Variants in PLB1 observed in about 807,000 individuals in gnomAD.
The protein encoded by PLB1 is phospholipase B1, membrane-associated.
A neutral mutation model predicts 227.4 loss-of-function variants in PLB1; 242 were observed. The observed-to-expected ratio is 1.06, with a 90% CI of 0.96 to 1.18. PLB1 has a LOEUF of 1.18. Among genes scored for constraint, PLB1 ranks in the 50% most tolerant of loss-of-function variants. The pLI, the probability that PLB1 is intolerant of heterozygous loss-of-function variation, is 0.00. For synonymous variants in PLB1, 757 were observed against 682.2 expected (o/e 1.11, Z -1.71); for missense variants, 1,858 against 1,816.3 (o/e 1.02, Z -0.42).
At chr2:28,585,269 ATTTTTC>A (rs1680711324) in intron 25 of PLB1, among the ~76,000 whole-genome samples, 3 of 151,108 alleles carry the variant, frequency 2.0e-5, no homozygotes, top group African/African-American at 7.3e-5. Flanking sequence ...AGGTCTAGGA[ATTTTTC>A]TTTTTTTTTT....
rs985885587 is a variant in PLB1, at chr2:28,632,173, A to G, written c.4002+33A>G. On this transcript the variant is annotated intron_variant, in intron 55 of 57. Transcript: ENST00000327757. ...GCAGGTATTTTAGGGAGGCTCACGT[A>G]TGGGGGCCTTATCACAGACGATGGA... is the stretch of plus-strand genomic sequence containing the variant. 3 of 1,517,056 alleles carry G rather than the reference A, an allele frequency of 2.0e-6. No individual in the cohort carries two copies. The East Asian group carries it at 6.8e-5, about 34-fold the overall frequency. 94.0% of individuals were successfully genotyped at this position (1,517,056 alleles called of 1,614,324 possible). A position where few individuals can be genotyped will look rare whatever the true frequency, so the allele number is the denominator to read the frequency against.
intron 20 of PLB1, among the ~76,000 whole-genome samples, chr2:28,572,624 G>A (rs1291617181): frequency 3.3e-5 from 5 of 152,166 alleles, no homozygotes; most frequent in African/African-American, 7.2e-5. Flanking sequence ...GTTGAAAACC[G>A]TACGCTAAGG....
intron 1 of PLB1, among the ~76,000 whole-genome samples, chr2:28,510,342 C>A (rs946058538): frequency 6.6e-6 from 1 of 152,012 alleles, no homozygotes; most frequent in African/African-American, 2.4e-5. Flanking sequence ...CACATGTTCA[C>A]GATCACCACT....
chr2:28,630,484 C>T, intron 53 of PLB1, 102 bp from the exon 54 acceptor site: 2 of 946,006 alleles, frequency 2.1e-6, no homozygotes, highest in East Asian at 2.6e-5. Context: ...AGGCTGCAGG[C>T]CCCTGGGGTA....
intron 25 of PLB1, among the ~76,000 whole-genome samples, chr2:28,584,017 T>G (rs529857418): frequency 6.6e-6 from 1 of 152,324 alleles, no homozygotes; most frequent in Admixed American, 6.5e-5. Flanking sequence ...TCCTCTGGAC[T>G]GTTAGCCAAG....
chr2:28,544,320 A>C (rs913657897), intron 14 of PLB1, among the ~76,000 whole-genome samples: 5 of 152,256 alleles, frequency 3.3e-5, no homozygotes, highest in Non-Finnish European at 5.9e-5. Context: ...TGATGGGCAG[A>C]GAAGAGGAAC....
chr2:28,538,693 T>C (rs1167243558), intron 10 of PLB1, among the ~76,000 whole-genome samples: 1 of 152,146 alleles, frequency 6.6e-6, no homozygotes, highest in Non-Finnish European at 1.5e-5. Flanking sequence ...CCTGAGGACC[T>C]TCAAGACCTT....
intron 14 of PLB1, 120 bp from the exon 15 acceptor site, chr2:28,548,740 G>C (rs1255233441): frequency 1.1e-6 from 1 of 907,794 alleles, no homozygotes; most frequent in Non-Finnish European, 1.8e-6. Flanking sequence ...GGCTGGACAC[G>C]TGCATTTCTA....
At chr2:28,519,918 T>C (rs1290296690) in intron 4 of PLB1, among the ~76,000 whole-genome samples, 155 bp downstream of exon 4, 1 of 151,828 alleles carries the variant, frequency 6.6e-6, no homozygotes. Flanking sequence ...ATTTTTATTT[T>C]ATTTTATTAT....
In PLB1 at chr2:28,601,305, C is replaced by T. The variant is rs769399095; in HGVS notation, c.2580C>T (p.Ser860=). The T allele has an allele frequency of 1.4e-5, 23 of 1,613,920 alleles. No homozygotes were observed. Among genetic ancestry groups the T allele is most frequent in the African/African-American group, 8.0e-5 (6 of 74,894 alleles). The change falls in exon 37 of 58, where the codon AGC becomes AGT. Residue 860 remains serine (S), a synonymous_variant. Coordinates refer to ENST00000327757, the MANE Select transcript of PLB1 (RefSeq NM_153021.5). ...WKVITVLIGG[S]DLCDYCTDSN... ...TCATCACAGTGCTGATCGGAGGCAGCGATTTATGTGACTACTGCACAGATT... is the reference window on the plus strand; with the variant it reads ...TCATCACAGTGCTGATCGGAGGCAGTGATTTATGTGACTACTGCACAGATT...
intron 48 of PLB1, 78 bp downstream of exon 48, chr2:28,620,721 AGAG>A: frequency 6.3e-7 from 1 of 1,591,148 alleles, no homozygotes. Context: ...GAGGAGGGGA[AGAG>A]GAGGTTATCT....
chr2:28,614,244 G>A (rs113911298), intron 44 of PLB1, 148 bp downstream of exon 44: 21 of 790,284 alleles, frequency 2.7e-5, no homozygotes, highest in African/African-American at 1.2e-4. Context: ...AAAGGCTCCC[G>A]GACCACGAAG....
intron 1 of PLB1, among the ~76,000 whole-genome samples, chr2:28,507,825 A>G (rs1323778648): frequency 2.0e-5 from 3 of 152,130 alleles, no homozygotes; most frequent in Non-Finnish European, 4.4e-5. Context: ...TGAGGTCTGT[A>G]ATTGGTGGTG....
chr2:28,579,421 T>A (rs1319745704), intron 22 of PLB1, among the ~76,000 whole-genome samples: 1 of 152,154 alleles, frequency 6.6e-6, no homozygotes, highest in African/African-American at 2.4e-5. Flanking sequence ...CAGAGCCACA[T>A]GCAAGTTCAG....
chr2:28,621,068 G>A, intron 49 of PLB1, 90 bp downstream of exon 49: 2 of 1,110,394 alleles, frequency 1.8e-6, no homozygotes. Context: ...GTGTCCAGAA[G>A]CCTGGTCCCA....
chr2:28,542,089 T>C (rs1302246040), intron 13 of PLB1, among the ~76,000 whole-genome samples: 1 of 149,262 alleles, frequency 6.7e-6, no homozygotes, highest in Admixed American at 6.7e-5. Flanking sequence ...GCTGAGATCC[T>C]GCCACTGCAC....
At chr2:28,527,869 C>T (rs969348023) in intron 6 of PLB1, among the ~76,000 whole-genome samples, 1 of 152,230 alleles carries the variant, frequency 6.6e-6, no homozygotes, top group African/African-American at 2.4e-5. Flanking sequence ...AGACCTATCA[C>T]CAAATATTTG....
At position 28,618,337 on chromosome 2, in the gene PLB1, C is replaced by A; in HGVS notation, c.3257-4C>A. 6.2e-7 allele frequency: 1 copy of A among 1,614,072 alleles called. No individual in the cohort carries two copies. The highest frequency in any genetic ancestry group is 8.5e-7 in the Non-Finnish European group (1 of 1,179,948). The stretch of plus-strand genomic sequence containing the variant: ...ACAACCACCTCTCTGCTTGTCTCCC[C>A]TAGTCCACCAGCTCCGACCAGCAGA... On this transcript the variant is annotated splice_polypyrimidine_tract_variant and splice_region_variant and intron_variant, in intron 45 of 57. Coordinates refer to ENST00000327757, the MANE Select transcript of PLB1 (RefSeq NM_153021.5).
At chr2:28,642,526 G>T (rs1401785843) in intron 57 of PLB1, among the ~76,000 whole-genome samples, 1 of 152,214 alleles carries the variant, frequency 6.6e-6, no homozygotes, top group Non-Finnish European at 1.5e-5. Context: ...GTGACCACGA[G>T]GAAGCAGAGG....
Sources: gnomAD v4.1 joint callset for allele counts (sites outside exome capture counted in the v4.1 genomes callset) on GRCh38, gnomAD v4.1.1 for gene constraint, MANE v1.5 for transcripts, NCBI Gene and HGNC (gene_info 2026-07-23, HGNC 2026-07-21) for gene names.